The following JAML variants were observed in gnomAD, a reference collection of about 807,000 sequenced individuals.
The protein encoded by JAML is junctional adhesion molecule-like.
A neutral mutation model predicts 39.3 loss-of-function variants in JAML; 25 were observed. The ratio of observed to expected loss-of-function variants is 0.64; its 90% CI spans 0.46 to 0.89. JAML has a LOEUF of 0.89. JAML is among the 40% of genes least tolerant of loss of function. The probability of loss-of-function intolerance (pLI) is 0.00; values close to 1 mark genes in which losing one functional copy is unlikely to be tolerated. For missense variants in JAML, 440 were observed against 486.9 expected (o/e 0.90, Z 0.91); for synonymous variants, 162 against 179.2 (o/e 0.90, Z 0.77).
At chr11:118,212,838 A>T (rs1949089433) in intron 2 of JAML, 1 of 1,613,598 alleles carries the variant, frequency 6.2e-7, no homozygotes, top group African/African-American at 1.3e-5. Context: ...CTTCCTCCCA[A>T]CCTTTCTAAA....
In JAML at chr11:118,210,600, T is replaced by C. The variant is rs138252230; in HGVS notation, c.311A>G (p.Gln104Arg). Residue 104 changes from glutamine (Q) to arginine (R), a missense_variant, in exon 4 of 10, where the codon CAA (glutamine) becomes CGA (arginine). Gln to Arg is a conservative substitution (Grantham distance 43, BLOSUM62 1). Coordinates refer to ENST00000356289, the MANE Select transcript of JAML (RefSeq NM_001098526.2). ...ILCNDGSLLL[Q>R]DVQEADQGTY... ...TCCCTGGTCAGCCTCTTGCACATCT[T>C]GGAGCAGGAGAGAGCCATCATTGCA... 433 of 1,614,088 alleles carry C rather than the reference T, an allele frequency of 2.7e-4. No homozygotes were observed. The highest frequency in any genetic ancestry group is 3.6e-4 in the Non-Finnish European group (423 of 1,180,032).
chr11:118,205,819 A>G (rs1237536875), intron 5 of JAML, 63 bp downstream of exon 5: 3 of 1,473,240 alleles, frequency 2.0e-6, no homozygotes, highest in Non-Finnish European at 2.9e-6. Flanking sequence ...GCCTGATTCT[A>G]CCTTTGTCCT....
chr11:118,214,857 G>T lies in JAML; in HGVS notation c.10C>A (p.Pro4Thr), dbSNP rs1444504622. 1 of 1,613,934 alleles carries T rather than the reference G, an allele frequency of 6.2e-7. No homozygotes were observed. Among genetic ancestry groups the T allele is most frequent in the Admixed American group, 1.7e-5 (1 of 60,004 alleles). The change falls in exon 2 of 10, where the codon CCA becomes ACA. Residue 4 changes from proline (P) to threonine (T), a missense_variant. Physicochemically the swap from Pro to Thr is conservative, Grantham distance 38. Coordinates refer to ENST00000356289, the MANE Select transcript of JAML (RefSeq NM_001098526.2). MFC[P>T]LKLILLPVLL... ...ACTGGCAGCAGGATGAGTTTCAGTG[G>T]GCAAAACATGCTGCTCTCAACTTTC...
intron 1 of JAML, among the ~76,000 whole-genome samples, chr11:118,217,001 G>A (rs1949151779): frequency 6.6e-6 from 1 of 152,192 alleles, no homozygotes; most frequent in Non-Finnish European, 1.5e-5. Context: ...TCCCCAGGGA[G>A]TTGGTTGTGC....
intron 7 of JAML, among the ~76,000 whole-genome samples, chr11:118,199,693 A>ATTTT (rs34379845): frequency 9.3e-5 from 10 of 107,122 alleles, no homozygotes; most frequent in Middle Eastern, 4.5e-3. Flanking sequence ...TATTATTATT[A>ATTTT]TTTTTTTTTT....
At position 118,210,680 on chromosome 11, in the gene JAML, G is replaced by A; in HGVS notation, c.231C>T (p.Leu77=). The change falls in exon 4 of 10, where the codon CTC becomes CTT. Residue 77 remains leucine (L), a synonymous_variant. Coordinates refer to ENST00000356289, the MANE Select transcript of JAML (RefSeq NM_001098526.2). ...DEYVLYYYSN[L]SVPIGRFQNR... ...TCTGGAAGCGCCCAATAGGCACACT[G>A]AGATTGGAGTAATAGTATAGCACAT... 1 of 1,614,198 alleles carries A rather than the reference G, an allele frequency of 6.2e-7. No homozygotes were observed. The highest frequency in any genetic ancestry group is 8.5e-7 in the Non-Finnish European group (1 of 1,180,028).
At chr11:118,199,273 C>T (rs765850769) in intron 7 of JAML, among the ~76,000 whole-genome samples, 14 of 152,104 alleles carry the variant, frequency 9.2e-5, no homozygotes, top group Non-Finnish European at 1.9e-4. Context: ...ACTGAGGTCC[C>T]GACAGGGGAA....
intron 7 of JAML, among the ~76,000 whole-genome samples, chr11:118,199,697 T>TATTA (rs1565474104): frequency 1.5e-5 from 1 of 67,204 alleles, no homozygotes; most frequent in Non-Finnish European, 3.2e-5. Context: ...ATTATTATTT[T>TATTA]TTTTTTTTTT....
At chr11:118,223,523 G>C (rs1026860148) in intron 1 of JAML, among the ~76,000 whole-genome samples, 3 of 152,084 alleles carry the variant, frequency 2.0e-5, no homozygotes, top group African/African-American at 7.2e-5. Context: ...AAAATAATGA[G>C]ATTTTTGTTT....
rs1408513895 is a variant in JAML at position 118,224,966 on chromosome 11, G to T, written c.-46C>A. The T allele has an allele frequency of 6.6e-6, 1 of 152,284 alleles. No homozygotes were observed. Among genetic ancestry groups the T allele is most frequent in the African/African-American group, 2.4e-5 (1 of 41,544 alleles). The allele number at this position is 152,284 out of a possible 1,614,324, so 9.4% of individuals were successfully genotyped here. On this transcript the variant is annotated 5_prime_UTR_variant, in exon 1 of 10. Transcript: ENST00000356289. ...CCAAGATGAAGAGCACCCAGGGGAG[G>T]CAATGCACTGAAATCTCCCCACAGC... is the stretch of plus-strand genomic sequence containing the variant.
chr11:118,221,099 G>A lies in JAML; in HGVS notation c.-21+3842C>T, dbSNP rs976119028. 1.2e-4 allele frequency among the ~76,000 whole-genome samples: 18 copies of A among 152,122 alleles called. 1 individual carries two copies. Among genetic ancestry groups the A allele is most frequent in the Admixed American group, 2.6e-4 (4 of 15,274 alleles). On this transcript the variant is annotated intron_variant, in intron 1 of 9. Coordinates refer to ENST00000356289, the MANE Select transcript of JAML (RefSeq NM_001098526.2). ...CTTTTGCTTATATGGTAAAAATCTG[G>A]AAAATCACTATCTGGAGTTTAACAG...
intron 7 of JAML, among the ~76,000 whole-genome samples, chr11:118,200,041 A>G (rs1288096565): frequency 6.6e-6 from 1 of 152,156 alleles, no homozygotes; most frequent in Non-Finnish European, 1.5e-5. Context: ...GAGGGCACCC[A>G]TTCAAAGATC....
intron 1 of JAML, among the ~76,000 whole-genome samples, chr11:118,215,678 T>G (rs1451542539): frequency 6.6e-6 from 1 of 151,966 alleles, no homozygotes; most frequent in Admixed American, 6.5e-5. Flanking sequence ...TTTTTCTTTT[T>G]AACTTTTTAA....
intron 6 of JAML, 50 bp from the exon 7 acceptor site, chr11:118,200,662 G>C (rs373682700): frequency 1.2e-6 from 2 of 1,609,824 alleles, no homozygotes; most frequent in South Asian, 1.1e-5. Flanking sequence ...TTAGCAAAGA[G>C]CTGAGAGCCC....
At position 118,212,396 on chromosome 11, in the gene JAML, C is replaced by T; in HGVS notation, c.198+11G>A. On this transcript the variant is annotated intron_variant, in intron 3 of 9. Transcript: ENST00000356289. ...GGCTTCTATTACATAGTGATGTTTC[C>T]CCCGCGTTACCTTGGCGTGCTCTCC... 1 of 1,613,216 alleles carries T rather than the reference C, an allele frequency of 6.2e-7. No individual in the cohort carries two copies. The highest frequency in any genetic ancestry group is 1.3e-5 in the African/African-American group (1 of 74,992).
chr11:118,196,844 A>C, intron 8 of JAML, 23 bp from the exon 9 acceptor site: 1 of 1,565,178 alleles, frequency 6.4e-7, no homozygotes, highest in South Asian at 1.1e-5. Context: ...AATGGTACAA[A>C]AATTCCTAAA....
At chr11:118,204,875 A>T (rs1279799362) in intron 5 of JAML, 1 of 152,208 alleles carries the variant, frequency 6.6e-6, no homozygotes, top group African/African-American at 2.4e-5. Context: ...AGCCATGTAG[A>T]TTGCTTTTTT....
intron 4 of JAML, among the ~76,000 whole-genome samples, chr11:118,209,996 C>T (rs1006959193): frequency 6.6e-6 from 1 of 152,104 alleles, no homozygotes; most frequent in Admixed American, 6.5e-5. Context: ...TCCCAAAATG[C>T]TAGGATTACA....
intron 2 of JAML, 91 bp downstream of exon 2, chr11:118,214,733 G>C (rs1216170284): frequency 8.8e-6 from 12 of 1,367,168 alleles, no homozygotes; most frequent in Non-Finnish European, 1.2e-5. Flanking sequence ...ACAAACCCAA[G>C]GGAATCGAAA....
Sources: allele counts gnomAD v4.1 joint callset (sites outside exome capture counted in the v4.1 genomes callset), GRCh38; gene constraint gnomAD v4.1.1; transcripts MANE v1.5; gene names NCBI Gene and HGNC (gene_info 2026-07-23, HGNC 2026-07-21).